Variants in ZNF493 observed in about 807,000 individuals in gnomAD.
The protein encoded by ZNF493 is zinc finger protein 493.
In ZNF493, 11 loss-of-function variants were observed where a neutral mutation model predicts 12.2. The observed-to-expected ratio is 0.90, with a 90% confidence interval of 0.57 to 1.50. ZNF493 has a LOEUF of 1.50. Among genes scored for constraint, ZNF493 ranks in the 40% most tolerant of loss-of-function variants. The probability of loss-of-function intolerance (pLI) is 0.00; values close to 1 mark genes in which losing one functional copy is unlikely to be tolerated. For missense variants in ZNF493, 950 were observed against 906.6 expected, an observed-to-expected ratio of 1.05 and a Z score of -0.61; for synonymous variants, 286 against 302.6, an observed-to-expected ratio of 0.95 and a Z score of 0.57.
intron 3 of ZNF493, among the ~76,000 whole-genome samples, chr19:21,409,205 GC>G (rs560350412): frequency 3.9e-4 from 59 of 152,060 alleles, no homozygotes; most frequent in Admixed American, 3.6e-3. Context: ...TTCTTTCTTA[GC>G]TGGTTTTCAG....
intron 3 of ZNF493, among the ~76,000 whole-genome samples, chr19:21,411,603 C>T (rs1157633789): frequency 1.3e-5 from 2 of 151,770 alleles, no homozygotes; most frequent in Non-Finnish European, 2.9e-5. Context: ...GCCTGTAGTC[C>T]CAGCTACTTG....
intron 3 of ZNF493, chr19:21,412,334 G>T (rs2030350586): frequency 6.6e-6 from 1 of 152,282 alleles, no homozygotes; most frequent in South Asian, 2.1e-4. Flanking sequence ...ATTGTTTATG[G>T]TTTAAGAATG....
At chr19:21,403,725 G>C (rs1229253088) in intron 1 of ZNF493, among the ~76,000 whole-genome samples, 2 of 152,140 alleles carry the variant, frequency 1.3e-5, no homozygotes, top group Admixed American at 6.5e-5. Flanking sequence ...ATTGCCATGC[G>C]TTTAGTCCTT....
Position 21,422,994 on chromosome 19 carries a change from A to G in ZNF493, c.335A>G (p.Tyr112Cys). ...TTTCAAAAAGTGATACTGAGAGAAT[A>G]TGTAAAATGTGGACATAAGGATTTA... ...DSFQKVILREYVKCGHKDLQL... is the reference protein window; with the variant it reads ...DSFQKVILRECVKCGHKDLQL... The change falls in exon 4 of 4, where the codon TAT becomes TGT. Residue 112 changes from tyrosine (Y) to cysteine (C), a missense_variant. Coordinates refer to ENST00000392288, the MANE Select transcript of ZNF493 (RefSeq NM_001076678.3). 6.2e-7 allele frequency: 1 copy of G among 1,610,404 alleles called. No homozygotes were observed. The highest frequency in any genetic ancestry group is 1.1e-5 in the South Asian group (1 of 89,672).
chr19:21,411,719 C>CAA (rs557081015), intron 3 of ZNF493, among the ~76,000 whole-genome samples: 18 of 129,730 alleles, frequency 1.4e-4, no homozygotes, highest in South Asian at 2.5e-4. Context: ...GACTCCATCT[C>CAA]AAAAAAAAAA....
intron 3 of ZNF493, 39 bp from the exon 4 acceptor site, chr19:21,422,874 C>T: frequency 1.3e-6 from 2 of 1,487,598 alleles, no homozygotes; most frequent in Non-Finnish European, 1.8e-6. Context: ...TTATCTGAGT[C>T]TAGTAAGTGG....
At chr19:21,410,466 T>C (rs1025169811) in intron 3 of ZNF493, among the ~76,000 whole-genome samples, 3 of 152,180 alleles carry the variant, frequency 2.0e-5, no homozygotes, top group African/African-American at 7.2e-5. Context: ...ATTAATTTTC[T>C]GTGTCATTTC....
In ZNF493 at chr19:21,405,022, C is replaced by T. The variant is rs1252877722; in HGVS notation, c.31-107C>T. The T allele has an allele frequency of 4.7e-6, 7 of 1,503,400 alleles. No individual in the cohort carries two copies. In the African/African-American group the frequency reaches 7.0e-5, roughly 15 times the overall value. The allele number at this position is 1,503,400 out of a possible 1,614,324, so 93.1% of individuals were successfully genotyped here. Reference sequence around the variant, plus strand: ...GATAATTTCAGTCATTCCTGTAAGTCAGAACGAATTTTCTTTACTTTCTCA... The same window carrying T: ...GATAATTTCAGTCATTCCTGTAAGTTAGAACGAATTTTCTTTACTTTCTCA... On this transcript the variant is annotated intron_variant, in intron 1 of 3. Transcript: ENST00000392288.
chr19:21,418,756 G>A (rs186573236), intron 3 of ZNF493, among the ~76,000 whole-genome samples: 3 of 152,284 alleles, frequency 2.0e-5, no homozygotes, highest in Admixed American at 6.5e-5. Flanking sequence ...TATGGGAAAC[G>A]AAGGGATGAG....
rs770045725 is a variant in ZNF493, at chr19:21,405,832, C to T, written c.229C>T (p.His77Tyr). 1.3e-6 allele frequency: 2 copies of T among 1,554,152 alleles called. No individual in the cohort carries two copies. The highest frequency in any genetic ancestry group is 1.4e-5 in the African/African-American group (1 of 70,278). The change falls in exon 3 of 4, where the codon CAC becomes TAC. Residue 77 changes from histidine (H) to tyrosine (Y), a missense_variant. Coordinates refer to ENST00000392288, the MANE Select transcript of ZNF493 (RefSeq NM_001076678.3). ...QGKDPWNMKGHSTVVKPPVIC... is the reference protein window; with the variant it reads ...QGKDPWNMKGYSTVVKPPVIC... Reference sequence around the variant, plus strand: ...AAAAGATCCCTGGAATATGAAGGGACACAGTACGGTAGTCAAACCCCCAGG... The same window carrying T: ...AAAAGATCCCTGGAATATGAAGGGATACAGTACGGTAGTCAAACCCCCAGG...
At chr19:21,397,481 T>G (rs1974191506) in intron 1 of ZNF493, 1 of 641,068 alleles carries the variant, frequency 1.6e-6, no homozygotes, top group Non-Finnish European at 2.8e-6. Flanking sequence ...TTCCCTGCAC[T>G]GTGACTGTGC....
At chr19:21,409,523 C>G (rs1026793760) in intron 3 of ZNF493, among the ~76,000 whole-genome samples, 2 of 151,442 alleles carry the variant, frequency 1.3e-5, no homozygotes, top group South Asian at 2.1e-4. Context: ...ACAGGAAGAT[C>G]ACTTGAGCCC....
chr19:21,404,937 A>G (rs759887092), intron 1 of ZNF493, among the ~76,000 whole-genome samples, 192 bp from the exon 2 acceptor site: 35 of 149,894 alleles, frequency 2.3e-4, no homozygotes, highest in Non-Finnish European at 4.5e-4. Context: ...ATCTTATACC[A>G]TTCTCTTCTC....
intron 3 of ZNF493, among the ~76,000 whole-genome samples, chr19:21,420,591 T>TTTTATATATATATATATA (rs1491162530): frequency 9.4e-5 from 1 of 10,680 alleles, no homozygotes; most frequent in African/African-American, 4.7e-4. Flanking sequence ...ACTCACTTGA[T>TTTTATATATATATATATA]TATATATATA....
chr19:21,411,393 G>A (rs1282609338), intron 3 of ZNF493, among the ~76,000 whole-genome samples: 2 of 151,930 alleles, frequency 1.3e-5, no homozygotes, highest in Non-Finnish European at 2.9e-5. Context: ...TTTTATGAGT[G>A]TTTTGCTAGT....
rs77859631 is a variant in ZNF493 at position 21,423,505 on chromosome 19, G to A, written c.846G>A (p.Arg282=). 7.4e-4 allele frequency: 1,186 copies of A among 1,611,904 alleles called. 20 individuals are homozygous for A. In the East Asian group the frequency reaches 0.026, roughly 36 times the overall value. ...TCTACCAATTCTCATACCTTACTAG[G>A]CATAAGCTAATTCATACTAGAGAGA... is the stretch of plus-strand genomic sequence containing the variant. ...TSFYQFSYLT[R]HKLIHTREKP... is the part of the protein sequence containing the mutation. The change falls in exon 4 of 4, where the codon AGG becomes AGA. Residue 282 remains arginine, a synonymous_variant. Transcript: ENST00000392288.
chr19:21,420,788 T>C (rs1161247394), intron 3 of ZNF493, among the ~76,000 whole-genome samples: 1 of 148,260 alleles, frequency 6.7e-6, no homozygotes, highest in African/African-American at 2.5e-5. Context: ...GTTTTGCTAT[T>C]GTTGCCCAGG....
In ZNF493 at chr19:21,424,867, T is replaced by A. The variant is rs1241244809; in HGVS notation, c.2208T>A (p.Thr736=). 5 of 1,613,454 alleles carry A rather than the reference T, an allele frequency of 3.1e-6. No individual in the cohort carries two copies. The highest frequency in any genetic ancestry group is 4.2e-6 in the Non-Finnish European group (5 of 1,179,694). The change falls in exon 4 of 4, where the codon ACT becomes ACA. Residue 736 remains threonine (T), a synonymous_variant. Transcript: ENST00000392288. ...SNLIKHKLIH[T]GDKPYKCEAC... ...TTATTAAACATAAGCTAATTCATACTGGAGACAAACCCTACAAATGTGAAG... is the reference window on the plus strand; with the variant it reads ...TTATTAAACATAAGCTAATTCATACAGGAGACAAACCCTACAAATGTGAAG...
chr19:21,416,612 T>G (rs1419890457), intron 3 of ZNF493, among the ~76,000 whole-genome samples: 1 of 152,200 alleles, frequency 6.6e-6, no homozygotes, highest in Non-Finnish European at 1.5e-5. Context: ...ATGTCACAGG[T>G]AGGACGTTTA....
Sources: allele counts gnomAD v4.1 joint callset (sites outside exome capture counted in the v4.1 genomes callset), GRCh38; gene constraint gnomAD v4.1.1; transcripts MANE v1.5; gene names NCBI Gene and HGNC (gene_info 2026-07-23, HGNC 2026-07-21).